The following SDR42E1 variants were observed in gnomAD, a reference collection of about 807,000 sequenced individuals.
SDR42E1 encodes short-chain dehydrogenase/reductase family 42E member 1.
Under a neutral mutation model 2.6 loss-of-function variants are expected in SDR42E1, and 5 were observed. The ratio of observed to expected loss-of-function variants is 1.94; its 90% CI spans 1.01 to 4.08. The LOEUF (loss-of-function observed/expected upper bound fraction) is 4.08, where lower values mean the gene tolerates loss of function less well. SDR42E1 is among the 30% of genes most tolerant of loss of function. SDR42E1 has a pLI of 0.00. For synonymous variants in SDR42E1, 231 were observed against 188.3 expected (o/e 1.23, Z -1.86); for missense variants, 596 against 478.6 (o/e 1.25, Z -2.29).
intron 1 of SDR42E1, among the ~76,000 whole-genome samples, chr16:82,003,593 C>T (rs1387165606): frequency 6.6e-6 from 1 of 152,186 alleles, no homozygotes; most frequent in African/African-American, 2.4e-5. Context: ...TGTGACACAT[C>T]GTATACTAGG....
intron 1 of SDR42E1, among the ~76,000 whole-genome samples, chr16:82,004,884 G>A (rs1186646764): frequency 6.6e-6 from 1 of 152,226 alleles, no homozygotes; most frequent in Non-Finnish European, 1.5e-5. Flanking sequence ...GTGAACAACT[G>A]CAGGAGGTGG....
chr16:82,000,062 G>C lies in SDR42E1; in HGVS notation c.231C>G (p.Phe77Leu). The change falls in exon 3 of 3, where the codon TTC (phenylalanine) becomes TTG (leucine). Residue 77 changes from phenylalanine (F) to leucine (L), a missense_variant. By Grantham distance (22) the Phe-to-Leu change is conservative (BLOSUM62 0). Coordinates refer to ENST00000328945, the MANE Select transcript of SDR42E1 (RefSeq NM_145168.3). ...CTGACATACCATAAGAGGCAATATG[G>C]AACACACAAGTGACGTCTGCATCCT... The part of the protein sequence containing the change: ...AFQDADVTCV[F>L]HIASYGMSGR... The C allele has an allele frequency of 1.9e-6, 3 of 1,614,192 alleles. No individual in the cohort carries two copies. Among genetic ancestry groups the C allele is most frequent in the Non-Finnish European group, 2.5e-6 (3 of 1,180,030 alleles).
rs1376522611 is a variant in SDR42E1 at position 81,992,219 on chromosome 16, T to A, written c.*6892A>T. 2 of 152,190 alleles carry A rather than the reference T, an allele frequency of 1.3e-5. No individual in the cohort carries two copies. The highest frequency in any genetic ancestry group is 2.9e-5 in the Non-Finnish European group (2 of 68,026). The allele number at this position is 152,190 out of a possible 1,614,324, so 9.4% of individuals were successfully genotyped here. On this transcript the variant is annotated 3_prime_UTR_variant, in exon 3 of 3. Transcript: ENST00000328945. ...GTAAACTCTCAACAAATAGTAGCAA[T>A]TAACTATTAACAATGTTCATCTTTG...
chr16:81,998,980 A>G lies in SDR42E1; in HGVS notation c.*131T>C. On this transcript the variant is annotated 3_prime_UTR_variant, in exon 3 of 3. Coordinates refer to ENST00000328945, the MANE Select transcript of SDR42E1 (RefSeq NM_145168.3). Reference sequence around the variant, plus strand: ...GAAATAAGACATAAAGATTCAATCCAAGAACCTATTCTTAAGTAGCAATTT... The same window carrying G: ...GAAATAAGACATAAAGATTCAATCCGAGAACCTATTCTTAAGTAGCAATTT... The G allele has an allele frequency of 1.1e-6, 1 of 900,086 alleles. No individual in the cohort carries two copies. Among genetic ancestry groups the G allele is most frequent in the Non-Finnish European group, 1.7e-6 (1 of 605,734 alleles). The allele number at this position is 900,086 out of a possible 1,614,324, so 55.8% of individuals were successfully genotyped here.
rs1384661361 is a variant in SDR42E1, at chr16:81,997,136, A to G, written c.*1975T>C. The stretch of plus-strand genomic sequence containing the variant: ...CAATAAGACTCAGGTGACGCATTCA[A>G]AATAATGTTCCCAGTACCACTGCCA... On this transcript the variant is annotated 3_prime_UTR_variant, in exon 3 of 3. Transcript: ENST00000328945. The G allele has an allele frequency of 6.6e-6, 1 of 151,784 alleles. No individual in the cohort carries two copies. The highest frequency in any genetic ancestry group is 1.5e-5 in the Non-Finnish European group (1 of 68,044). 9.4% of individuals were successfully genotyped at this position (151,784 alleles called of 1,614,324 possible). A position where few individuals can be genotyped will look rare whatever the true frequency, so the allele number is the denominator to read the frequency against.
At chr16:82,010,381 T>C (rs1913086770) in intron 1 of SDR42E1, among the ~76,000 whole-genome samples, 1 of 152,152 alleles carries the variant, frequency 6.6e-6, no homozygotes, top group East Asian at 1.9e-4. Context: ...CCACTACATG[T>C]AATGCCGCAC....
chr16:81,999,777 G>A lies in SDR42E1; in HGVS notation c.516C>T (p.Asp172=). 6.2e-7 allele frequency: 1 copy of A among 1,614,202 alleles called. No individual in the cohort carries two copies. The highest frequency in any genetic ancestry group is 1.1e-5 in the South Asian group (1 of 91,086). Residue 172 remains aspartate (D), a synonymous_variant, in exon 3 of 3, where the codon GAC becomes GAT. Transcript: ENST00000328945. The stretch of plus-strand genomic sequence containing the variant: ...AGGTTCTTAAGACACCGTCGCCTCT[G>A]TCCAGGGGTGTAGCATTCGCCTCCA... ...KVLEANATPL[D]RGDGVLRTCA...
At chr16:82,008,031 G>C (rs555538988) in intron 1 of SDR42E1, among the ~76,000 whole-genome samples, 3 of 152,122 alleles carry the variant, frequency 2.0e-5, no homozygotes, top group Non-Finnish European at 4.4e-5. Flanking sequence ...TGAATCATGG[G>C]GGCGGGTCTT....
In SDR42E1 at chr16:81,997,211, C is replaced by G. The variant is rs924872374; in HGVS notation, c.*1900G>C. 10 of 152,126 alleles carry G rather than the reference C, an allele frequency of 6.6e-5. No individual in the cohort carries two copies. Among genetic ancestry groups the G allele is most frequent in the African/African-American group, 2.4e-4 (10 of 41,410 alleles). 9.4% of individuals were successfully genotyped at this position (152,126 alleles called of 1,614,324 possible). On this transcript the variant is annotated 3_prime_UTR_variant, in exon 3 of 3. Transcript: ENST00000328945. Reference sequence around the variant, plus strand: ...CAAAATGTTAACACAGCCGTTGGGCCCCTAAAATCCTTCTGGCAAGAAGCA... The same window carrying G: ...CAAAATGTTAACACAGCCGTTGGGCGCCTAAAATCCTTCTGGCAAGAAGCA...
At position 81,994,216 on chromosome 16, in the gene SDR42E1, C is replaced by A. The variant is rs1912491429; in HGVS notation, c.*4895G>T. 6.6e-6 allele frequency: 1 copy of A among 152,248 alleles called. No individual in the cohort carries two copies. The highest frequency in any genetic ancestry group is 1.5e-5 in the Non-Finnish European group (1 of 68,074). The allele number at this position is 152,248 out of a possible 1,614,324, so 9.4% of individuals were successfully genotyped here. ...CGTTACGGAACCCCAGTGTAGTCAC[C>A]AGGACCTCCTCCCTCTCCATTTTTT... On this transcript the variant is annotated 3_prime_UTR_variant, in exon 3 of 3. Coordinates refer to ENST00000328945, the MANE Select transcript of SDR42E1 (RefSeq NM_145168.3).
intron 1 of SDR42E1, among the ~76,000 whole-genome samples, chr16:82,001,770 C>T (rs958986854): frequency 5.3e-5 from 8 of 151,800 alleles, no homozygotes; most frequent in South Asian, 2.1e-4. Flanking sequence ...GGCGTGGTGG[C>T]GGGCACCTGT....
rs1597171841 is a variant in SDR42E1 at position 81,993,036 on chromosome 16, G to C, written c.*6075C>G. On this transcript the variant is annotated 3_prime_UTR_variant, in exon 3 of 3. Transcript: ENST00000328945. ...AATCCCTTTGGCTCAAGAAAAAGAG[G>C]CTCTAGGTTGGCTGGAAAAGTCAGC... 6.6e-6 allele frequency: 1 copy of C among 152,116 alleles called. No individual in the cohort carries two copies. The highest frequency in any genetic ancestry group is 1.5e-5 in the Non-Finnish European group (1 of 68,026). The allele number at this position is 152,116 out of a possible 1,614,324, so 9.4% of individuals were successfully genotyped here.
chr16:82,010,309 A>G (rs1567568281), intron 1 of SDR42E1, among the ~76,000 whole-genome samples: 1 of 152,212 alleles, frequency 6.6e-6, no homozygotes. Context: ...CCCACAAATT[A>G]TGCAGGTCAT....
In SDR42E1 at chr16:81,999,502, T is replaced by C; in HGVS notation, c.791A>G (p.Glu264Gly). ...ISDGRPVNNF[E>G]FFRPLVEGLG... ...GCCCTCAACCAGAGGCCGGAAGAAC[T>C]CAAAGTTGTTCACGGGTCTGCCATC... The change falls in exon 3 of 3, where the codon GAG (glutamate) becomes GGG (glycine). Residue 264 changes from glutamate to glycine, a missense_variant. Glu to Gly is a moderately conservative substitution (Grantham distance 98, BLOSUM62 -2). Transcript: ENST00000328945. 1 of 1,614,028 alleles carries C rather than the reference T, an allele frequency of 6.2e-7. No individual in the cohort carries two copies. Among genetic ancestry groups the C allele is most frequent in the Non-Finnish European group, 8.5e-7 (1 of 1,180,002 alleles).
In SDR42E1 at chr16:81,989,663, G is replaced by C. The variant is rs142019460; in HGVS notation, c.*9448C>G. 6.6e-6 allele frequency: 1 copy of C among 152,144 alleles called. No individual in the cohort carries two copies. Among genetic ancestry groups the C allele is most frequent in the Non-Finnish European group, 1.5e-5 (1 of 68,026 alleles). 9.4% of individuals were successfully genotyped at this position (152,144 alleles called of 1,614,324 possible). On this transcript the variant is annotated 3_prime_UTR_variant, in exon 3 of 3. Coordinates refer to ENST00000328945, the MANE Select transcript of SDR42E1 (RefSeq NM_145168.3). ...GGTGTAATTGACTCTGCAATCTCAAGAAAAGAAAAACTCATTTTCAGTTTA... is the reference window on the plus strand; with the variant it reads ...GGTGTAATTGACTCTGCAATCTCAACAAAAGAAAAACTCATTTTCAGTTTA...
At position 81,996,243 on chromosome 16, in the gene SDR42E1, G is replaced by A. The variant is rs1326371842; in HGVS notation, c.*2868C>T. 6.6e-6 allele frequency: 1 copy of A among 152,344 alleles called. No individual in the cohort carries two copies. The highest frequency in any genetic ancestry group is 1.5e-5 in the Non-Finnish European group (1 of 68,132). The allele number at this position is 152,344 out of a possible 1,614,324, so 9.4% of individuals were successfully genotyped here. On this transcript the variant is annotated 3_prime_UTR_variant, in exon 3 of 3. Transcript: ENST00000328945. The stretch of plus-strand genomic sequence containing the variant: ...TAGGCATGTGGAGAATGGACTGAAG[G>A]AAGGAGGGTGTGGATATGGGTGGAA...
chr16:82,000,329 C>T (rs1296106444), intron 2 of SDR42E1, 105 bp from the exon 3 acceptor site: 1 of 1,424,190 alleles, frequency 7.0e-7, no homozygotes, highest in Non-Finnish European at 9.8e-7. Context: ...TCCAAGTCTT[C>T]TTGGCTCATC....
rs74029340 is a variant in SDR42E1 at position 82,005,459 on chromosome 16, G to A, written c.-26-4575C>T. On this transcript the variant is annotated intron_variant, in intron 1 of 2. Coordinates refer to ENST00000328945, the MANE Select transcript of SDR42E1 (RefSeq NM_145168.3). ...GCCATCTGCTGCACTGCTGGGAGCC[G>A]CCTCCTCCCTTCCTGATCCCCAACA... 4.4e-3 allele frequency among the ~76,000 whole-genome samples: 664 copies of A among 152,258 alleles called. 6 individuals are homozygous for A. The highest frequency in any genetic ancestry group is 0.014 in the African/African-American group (589 of 41,556).
In SDR42E1 at chr16:82,000,641, C is replaced by G. The variant is rs59619760; in HGVS notation, c.68+150G>C. On this transcript the variant is annotated intron_variant, in intron 2 of 2. Coordinates refer to ENST00000328945, the MANE Select transcript of SDR42E1 (RefSeq NM_145168.3). The stretch of plus-strand genomic sequence containing the variant: ...TTAAGTGAAATATACCTGTAGTTCT[C>G]AGCTGCAATGTCTGAGCAGTGGGCA... The G allele has an allele frequency of 1.7e-3, 1,059 of 637,134 alleles. 18 individuals are homozygous for G. In the East Asian group the frequency reaches 0.024, roughly 15 times the overall value. 39.5% of individuals were successfully genotyped at this position (637,134 alleles called of 1,614,324 possible). A position where few individuals can be genotyped will look rare whatever the true frequency, so the allele number is the denominator to read the frequency against.
Sources: gnomAD v4.1 joint callset for allele counts (sites outside exome capture counted in the v4.1 genomes callset) on GRCh38, gnomAD v4.1.1 for gene constraint, MANE v1.5 for transcripts, NCBI Gene and HGNC (gene_info 2026-07-23, HGNC 2026-07-21) for gene names.